The following SH3GL2 variants were observed in gnomAD, a reference collection of about 807,000 sequenced individuals.
The protein encoded by SH3GL2 is SH3 domain containing GRB2 like 2, endophilin A1, also known as endophilin-A1.
A neutral mutation model predicts 46.0 loss-of-function variants in SH3GL2; 24 were observed. That is an observed-to-expected ratio of 0.52 (90% CI 0.38 to 0.73). SH3GL2 has a LOEUF of 0.73. Among genes scored for constraint, SH3GL2 ranks in the 30% least tolerant of loss-of-function variants. SH3GL2 has a pLI of 0.00. For missense variants in SH3GL2, 413 were observed against 424.2 expected, an observed-to-expected ratio of 0.97 and a Z score of 0.23; for synonymous variants, 196 against 147.1, an observed-to-expected ratio of 1.33 and a Z score of -2.40.
At chr9:17,643,423 T>G (rs1429934118) in intron 1 of SH3GL2, among the ~76,000 whole-genome samples, 1 of 152,204 alleles carries the variant, frequency 6.6e-6, no homozygotes, top group African/African-American at 2.4e-5. Flanking sequence ...AATACTATGT[T>G]GAATAGGAGT....
intron 3 of SH3GL2, among the ~76,000 whole-genome samples, chr9:17,765,956 A>G (rs553932012): frequency 1.3e-5 from 2 of 152,346 alleles, no homozygotes; most frequent in South Asian, 4.1e-4. Flanking sequence ...CTCTAATACA[A>G]AAAGTAGGAG....
intron 3 of SH3GL2, among the ~76,000 whole-genome samples, chr9:17,768,034 G>C (rs1187662104): frequency 1.3e-5 from 2 of 152,104 alleles, no homozygotes; most frequent in African/African-American, 4.8e-5. Context: ...TTCTTTACTT[G>C]TGTGTCTAAA....
chr9:17,757,470 A>C (rs902843576), intron 2 of SH3GL2, among the ~76,000 whole-genome samples: 6 of 151,644 alleles, frequency 4.0e-5, no homozygotes, highest in African/African-American at 7.3e-5. Context: ...CAAGAAAAAA[A>C]CAACCCCATC....
chr9:17,625,367 C>A (rs1030149086), intron 1 of SH3GL2, among the ~76,000 whole-genome samples: 6 of 152,206 alleles, frequency 3.9e-5, no homozygotes, highest in African/African-American at 2.4e-5. Flanking sequence ...ACTGTGGCAA[C>A]ACACAGTTCG....
intron 1 of SH3GL2, among the ~76,000 whole-genome samples, chr9:17,655,234 G>T (rs1340208458): frequency 1.3e-5 from 2 of 152,184 alleles, no homozygotes. Context: ...GTGTTTCATT[G>T]TCTTGTCTTT....
At chr9:17,765,860 T>C (rs763957808) in intron 3 of SH3GL2, among the ~76,000 whole-genome samples, 2 of 152,208 alleles carry the variant, frequency 1.3e-5, no homozygotes, top group Admixed American at 1.3e-4. Flanking sequence ...CCCAGCTCAG[T>C]TCCAGGCAGC....
At chr9:17,660,269 CAGA>C (rs1820179996) in intron 1 of SH3GL2, among the ~76,000 whole-genome samples, 1 of 152,174 alleles carries the variant, frequency 6.6e-6, no homozygotes, top group African/African-American at 2.4e-5. Flanking sequence ...TTTCAGAAAT[CAGA>C]AGATCTGGCA....
chr9:17,655,703 A>G (rs372982932), intron 1 of SH3GL2, among the ~76,000 whole-genome samples: 2 of 152,158 alleles, frequency 1.3e-5, no homozygotes, highest in Non-Finnish European at 2.9e-5. Flanking sequence ...TGCTGTTCTC[A>G]TCTTCTGATT....
chr9:17,692,448 C>G (rs1294597116), intron 1 of SH3GL2, among the ~76,000 whole-genome samples: 1 of 151,976 alleles, frequency 6.6e-6, no homozygotes, highest in East Asian at 1.9e-4. Context: ...GAGTTCGAGA[C>G]CAGCCTGGCC....
chr9:17,777,014 G>A (rs1168810041), intron 3 of SH3GL2, among the ~76,000 whole-genome samples: 1 of 152,188 alleles, frequency 6.6e-6, no homozygotes, highest in Non-Finnish European at 1.5e-5. Context: ...CAGATGCTCT[G>A]TAAATACCTG....
intron 3 of SH3GL2, among the ~76,000 whole-genome samples, chr9:17,763,946 G>A (rs892687884): frequency 2.1e-5 from 3 of 144,026 alleles, no homozygotes. Context: ...ATTCAGAAAG[G>A]AAATTGTGGG....
rs761898945 is a variant in SH3GL2 at position 17,617,813 on chromosome 9, G to GTC, written c.45+38527_45+38528insCT. Among the ~76,000 whole-genome samples the GTC allele has an allele frequency of 8.5e-5, 13 of 152,166 alleles. No individual in the cohort carries two copies. In the East Asian group the frequency reaches 1.2e-3, roughly 14 times the overall value. On this transcript the variant is annotated intron_variant, in intron 1 of 8. Coordinates refer to ENST00000380607, the MANE Select transcript of SH3GL2 (RefSeq NM_003026.5). ...CCTATTGCTTAAAGTGAGAAATAGC[G>GTC]TATTTGGAAGGTTGTATGTCAGGAC...
chr9:17,664,164 G>C (rs1563802891), intron 1 of SH3GL2, among the ~76,000 whole-genome samples: 1 of 152,166 alleles, frequency 6.6e-6, no homozygotes, highest in Non-Finnish European at 1.5e-5. Flanking sequence ...AATAGTTGGA[G>C]TGCTATTCAG....
chr9:17,748,274 G>T (rs1236306322), intron 2 of SH3GL2, among the ~76,000 whole-genome samples: 1 of 152,164 alleles, frequency 6.6e-6, no homozygotes, highest in Admixed American at 6.5e-5. Flanking sequence ...TGGGTGGTGG[G>T]TAATGGATCT....
chr9:17,666,543 A>AACGT (rs1163404530), intron 1 of SH3GL2, among the ~76,000 whole-genome samples: 1 of 108,568 alleles, frequency 9.2e-6, no homozygotes, highest in African/African-American at 3.5e-5. Flanking sequence ...ACACAAAGGT[A>AACGT]ACGTGTGTGT....
intron 1 of SH3GL2, among the ~76,000 whole-genome samples, chr9:17,729,240 T>C (rs1323555749): frequency 2.0e-5 from 3 of 152,204 alleles, no homozygotes; most frequent in East Asian, 1.9e-4. Context: ...TTTTTTCATA[T>C]GTTTGTTGGC....
At chr9:17,773,133 C>A (rs2131167759) in intron 3 of SH3GL2, among the ~76,000 whole-genome samples, 1 of 152,188 alleles carries the variant, frequency 6.6e-6, no homozygotes. Flanking sequence ...TGTATGTCTT[C>A]TTTGGGGAAA....
At chr9:17,632,837 A>G (rs1819463097) in intron 1 of SH3GL2, among the ~76,000 whole-genome samples, 1 of 152,208 alleles carries the variant, frequency 6.6e-6, no homozygotes, top group Non-Finnish European at 1.5e-5. Flanking sequence ...AGATTCTGTC[A>G]GGAGCTTCTG....
chr9:17,585,170 G>T (rs1818350195), intron 1 of SH3GL2, among the ~76,000 whole-genome samples: 1 of 152,120 alleles, frequency 6.6e-6, no homozygotes, highest in African/African-American at 2.4e-5. Context: ...CAACCCGAGG[G>T]CTTTCTTCAG....
Sources: allele counts gnomAD v4.1 joint callset (sites outside exome capture counted in the v4.1 genomes callset), GRCh38; gene constraint gnomAD v4.1.1; transcripts MANE v1.5; gene names NCBI Gene and HGNC (gene_info 2026-07-23, HGNC 2026-07-21).